The following LRRC27 variants were observed in gnomAD, a reference collection of about 807,000 sequenced individuals.
LRRC27 encodes the protein leucine rich repeat containing 27, also known as leucine-rich repeat-containing protein 27.
LRRC27 carries 57 observed loss-of-function variants against 55.0 expected under a neutral mutation model. That is an observed-to-expected ratio of 1.04 (90% CI 0.84 to 1.29). The LOEUF (loss-of-function observed/expected upper bound fraction) is 1.29. Ranked by LOEUF, LRRC27 falls within the 50% of genes most tolerant of loss-of-function variation. LRRC27 has a pLI of 0.00. For synonymous variants in LRRC27, 278 were observed against 251.9 expected (o/e 1.10, Z -0.98); for missense variants, 721 against 651.5 (o/e 1.11, Z -1.16).
intron 8 of LRRC27, among the ~76,000 whole-genome samples, chr10:132,358,705 C>G (rs868403720): frequency 4.7e-4 from 17 of 36,516 alleles, no homozygotes; most frequent in Admixed American, 6.7e-4. Flanking sequence ...GGTGGTAGAG[C>G]AGTGTGGGGA....
Position 132,375,730 on chromosome 10 carries a change from A to T in LRRC27, c.*488A>T, listed in dbSNP as rs1001590341. ...GGAGTGGTTACCCTGCTCCCTGCCC[A>T]GTGACAAGCCCTCCTTTCCCCTGGG... On this transcript the variant is annotated 3_prime_UTR_variant, in exon 11 of 11. Coordinates refer to ENST00000368614, the MANE Select transcript of LRRC27 (RefSeq NM_030626.3). 1 of 152,980 alleles carries T rather than the reference A, an allele frequency of 6.5e-6. No individual in the cohort carries two copies. The highest frequency in any genetic ancestry group is 2.4e-5 in the African/African-American group (1 of 41,460). The allele number at this position is 152,980 out of a possible 1,614,324, so 9.5% of individuals were successfully genotyped here.
chr10:132,373,556 A>G (rs1311225295), intron 10 of LRRC27, among the ~76,000 whole-genome samples: 1 of 152,200 alleles, frequency 6.6e-6, no homozygotes, highest in Non-Finnish European at 1.5e-5. Context: ...CGGTACTCCC[A>G]TTGCAAGGTC....
At chr10:132,339,629 G>T (rs1021932232) in intron 3 of LRRC27, among the ~76,000 whole-genome samples, 2 of 152,180 alleles carry the variant, frequency 1.3e-5, no homozygotes, top group Non-Finnish European at 2.9e-5. Flanking sequence ...TCACGGCCTC[G>T]GGAGGCTTCC....
At chr10:132,352,869 T>G (rs774786114) in intron 7 of LRRC27, 3 of 1,613,744 alleles carry the variant, frequency 1.9e-6, no homozygotes, top group South Asian at 1.1e-5. Context: ...CCTCATTTCT[T>G]GTTCTTCCTC....
chr10:132,355,536 T>C (rs2068266585), intron 7 of LRRC27, among the ~76,000 whole-genome samples: 1 of 152,198 alleles, frequency 6.6e-6, no homozygotes, highest in African/African-American at 2.4e-5. Flanking sequence ...TGGGTCGGGT[T>C]GGCCCCCAGC....
Position 132,351,600 on chromosome 10 carries a change from A to C in LRRC27, c.927-7A>C, listed in dbSNP as rs1338294716. 1.3e-5 allele frequency: 21 copies of C among 1,609,716 alleles called. No homozygotes were observed. Among genetic ancestry groups the C allele is most frequent in the Non-Finnish European group, 1.8e-5 (21 of 1,178,536 alleles). Reference sequence around the variant, plus strand: ...AACATTCAGCTAAAAACACTCTGTAATTTTAGAAGGAAGACAGCCTCCTCC... The same window carrying C: ...AACATTCAGCTAAAAACACTCTGTACTTTTAGAAGGAAGACAGCCTCCTCC... On this transcript the variant is annotated splice_polypyrimidine_tract_variant and splice_region_variant and intron_variant, in intron 6 of 10. Transcript: ENST00000368614.
At chr10:132,339,017 C>T (rs949066877) in intron 3 of LRRC27, among the ~76,000 whole-genome samples, 2 of 152,226 alleles carry the variant, frequency 1.3e-5, no homozygotes, top group African/African-American at 4.8e-5. Flanking sequence ...GCTACCTGAA[C>T]CTCTTTTGAC....
chr10:132,370,588 C>T (rs188970372), intron 10 of LRRC27, among the ~76,000 whole-genome samples: 9 of 152,318 alleles, frequency 5.9e-5, no homozygotes, highest in Non-Finnish European at 7.3e-5. Context: ...TCCTCTGTCC[C>T]GCTGCCTCTC....
chr10:132,331,389 A>G (rs1300547637), upstream of LRRC27: 1 of 1,559,016 alleles, frequency 6.4e-7, no homozygotes, highest in Non-Finnish European at 8.7e-7. Flanking sequence ...GCCCGGTGTC[A>G]TTTCATCTTC....
chr10:132,352,053 CCTCCGTGTGGGGCAGGCGCAGGTGCAGCG>C, intron 7 of LRRC27, among the ~76,000 whole-genome samples: 4 of 114,148 alleles, frequency 3.5e-5, no homozygotes, highest in African/African-American at 9.9e-5. Context: ...GGCGCTGAGG[CCTCCGTGTGGGGCAGGCGCAGGTGCAGCG>C]CTCCGTGTGG....
At chr10:132,347,773 C>T (rs909428002) in intron 5 of LRRC27, among the ~76,000 whole-genome samples, 1 of 152,126 alleles carries the variant, frequency 6.6e-6, no homozygotes, top group African/African-American at 2.4e-5. Flanking sequence ...CCATTCCCTC[C>T]ATGTGGAACT....
chr10:132,361,569 A>C lies in LRRC27; in HGVS notation c.1283A>C (p.Glu428Ala). ...SKEKSPQASK[E>A]MSALQERNLE... ...GAGAAATCGCCACAAGCAAGTAAAGAAATGAGGTTGGTAACTGCAACTGGC... is the reference window on the plus strand; with the variant it reads ...GAGAAATCGCCACAAGCAAGTAAAGCAATGAGGTTGGTAACTGCAACTGGC... Residue 428 changes from glutamate to alanine, a missense_variant, in exon 9 of 11, where the codon GAA becomes GCA. Physicochemically the swap from Glu to Ala is moderately radical, Grantham distance 107. Coordinates refer to ENST00000368614, the MANE Select transcript of LRRC27 (RefSeq NM_030626.3). The C allele has an allele frequency of 6.2e-7, 1 of 1,612,200 alleles. No individual in the cohort carries two copies.
chr10:132,331,395 T>C (rs2066728052), upstream of LRRC27: 3 of 1,568,018 alleles, frequency 1.9e-6, no homozygotes, highest in Non-Finnish European at 2.6e-6. Flanking sequence ...TGTCATTTCA[T>C]CTTCTTCCAA....
At chr10:132,331,687 G>A, upstream of LRRC27, 1 of 1,612,740 alleles carries the variant, frequency 6.2e-7, no homozygotes, top group African/African-American at 1.3e-5. Flanking sequence ...CTGTCCTCGA[G>A]CAGCCCCGCC....
In LRRC27 at chr10:132,344,588, T is replaced by TC. The variant is rs1437089237; in HGVS notation, c.493dup (p.Gln165ProfsTer26). Reference sequence around the variant, plus strand: ...GTTGTGCAGAAGGGATTGGTGGCTATCCAGCGCTTCCTGCGGATGTGGGCA... The same window carrying TC: ...GTTGTGCAGAAGGGATTGGTGGCTATCCCAGCGCTTCCTGCGGATGTGGGCA... On this transcript the variant is annotated frameshift_variant, in exon 5 of 11. Coordinates refer to ENST00000368614, the MANE Select transcript of LRRC27 (RefSeq NM_030626.3). LOFTEE classifies it high-confidence loss of function. 6.2e-7 allele frequency: 1 copy of TC among 1,614,216 alleles called. No homozygotes were observed.
At chr10:132,364,107 G>T (rs1219139458) in intron 9 of LRRC27, among the ~76,000 whole-genome samples, 2 of 151,994 alleles carry the variant, frequency 1.3e-5, no homozygotes, top group Non-Finnish European at 2.9e-5. Flanking sequence ...GGAGTCTGAG[G>T]CGCTGACACA....
rs970158794 is a variant in LRRC27 at position 132,365,492 on chromosome 10, G to A, written c.1358G>A (p.Arg453Lys). 4 of 1,613,646 alleles carry A rather than the reference G, an allele frequency of 2.5e-6. No individual in the cohort carries two copies. The highest frequency in any genetic ancestry group is 1.7e-6 in the Non-Finnish European group (2 of 1,180,024). Residue 453 changes from arginine to lysine, a missense_variant, in exon 10 of 11, where the codon AGA becomes AAA. By Grantham distance (26) the Arg-to-Lys change is conservative. Coordinates refer to ENST00000368614, the MANE Select transcript of LRRC27 (RefSeq NM_030626.3). ...QHVLQMREQR[R>K]FHGQAPLEEM... ...GTCCTCCAAATGCGTGAGCAAAGAAGATTCCATGGCCAGGCCCCACTGGAG... is the reference window on the plus strand; with the variant it reads ...GTCCTCCAAATGCGTGAGCAAAGAAAATTCCATGGCCAGGCCCCACTGGAG...
chr10:132,364,102 C>T lies in LRRC27; in HGVS notation c.1290-1322C>T, dbSNP rs1366802884. ...CCCTGGGCACAGTAAAAGCTGGAGT[C>T]TGAGGCGCTGACACAGGGCATGCCC... On this transcript the variant is annotated intron_variant, in intron 9 of 10. Coordinates refer to ENST00000368614, the MANE Select transcript of LRRC27 (RefSeq NM_030626.3). Among the ~76,000 whole-genome samples, 11 of 152,126 alleles carry T rather than the reference C, an allele frequency of 7.2e-5. 1 individual carries two copies. The East Asian group carries it at 2.1e-3, about 29-fold the overall frequency.
At chr10:132,335,212 G>C (rs1443296803) in intron 2 of LRRC27, 1 of 152,266 alleles carries the variant, frequency 6.6e-6, no homozygotes, top group East Asian at 1.9e-4. Context: ...GGCACACCCA[G>C]CAGGGTTACA....
Sources: allele counts gnomAD v4.1 joint callset (sites outside exome capture counted in the v4.1 genomes callset), GRCh38; gene constraint gnomAD v4.1.1; transcripts MANE v1.5; gene names NCBI Gene and HGNC (gene_info 2026-07-23, HGNC 2026-07-21).